RGS7BP: variants seen among roughly 807,000 people sequenced by gnomAD.
RGS7BP encodes the protein regulator of G protein signaling 7 binding protein.
A neutral mutation model predicts 31.3 loss-of-function variants in RGS7BP; 9 were observed. The ratio of observed to expected loss-of-function variants is 0.29; its 90% CI spans 0.17 to 0.50. RGS7BP has a LOEUF of 0.50. Among genes scored for constraint, RGS7BP ranks in the 20% least tolerant of loss-of-function variants. The pLI, the probability that RGS7BP is intolerant of heterozygous loss-of-function variation, is 0.98. For synonymous variants in RGS7BP, 115 were observed against 120.1 expected (o/e 0.96, Z 0.28); for missense variants, 274 against 322.0 (o/e 0.85, Z 1.14).
At chr5:64,552,079 T>C (rs1468874504) in intron 2 of RGS7BP, among the ~76,000 whole-genome samples, 2 of 152,186 alleles carry the variant, frequency 1.3e-5, no homozygotes, top group Non-Finnish European at 2.9e-5. Context: ...TCTTCACTTT[T>C]TATCTGCATA....
At chr5:64,583,982 A>G (rs1742672848) in intron 3 of RGS7BP, among the ~76,000 whole-genome samples, 1 of 152,326 alleles carries the variant, frequency 6.6e-6, no homozygotes, top group Non-Finnish European at 1.5e-5. Flanking sequence ...ATCCTCAAGT[A>G]TATTTTCCCC....
chr5:64,570,453 T>G (rs1233911839), intron 2 of RGS7BP, among the ~76,000 whole-genome samples: 1 of 152,178 alleles, frequency 6.6e-6, no homozygotes, highest in East Asian at 1.9e-4. Flanking sequence ...CAAGATTCAA[T>G]TTTCCTTTCA....
intron 5 of RGS7BP, among the ~76,000 whole-genome samples, chr5:64,599,178 C>G (rs1289332273): frequency 1.3e-5 from 2 of 152,210 alleles, no homozygotes; most frequent in African/African-American, 4.8e-5. Context: ...TCTGCACCTA[C>G]CTTTGCAGCC....
intron 3 of RGS7BP, among the ~76,000 whole-genome samples, chr5:64,593,477 A>G (rs1742974321): frequency 6.6e-6 from 1 of 152,220 alleles, no homozygotes; most frequent in South Asian, 2.1e-4. Context: ...TATAGCCACT[A>G]CCTCATGAAT....
intron 2 of RGS7BP, among the ~76,000 whole-genome samples, chr5:64,525,534 G>A (rs900916094): frequency 2.0e-5 from 3 of 152,224 alleles, no homozygotes; most frequent in African/African-American, 7.2e-5. Flanking sequence ...TTTGCAAGAT[G>A]TAATGTGCTT....
chr5:64,563,328 C>A (rs1241327533), intron 2 of RGS7BP, among the ~76,000 whole-genome samples: 1 of 152,006 alleles, frequency 6.6e-6, no homozygotes, highest in Admixed American at 6.6e-5. Flanking sequence ...GTATGTCCCC[C>A]AAATTCATAT....
chr5:64,579,792 C>T (rs1177316051), intron 3 of RGS7BP, among the ~76,000 whole-genome samples: 1 of 152,018 alleles, frequency 6.6e-6, no homozygotes, highest in African/African-American at 2.4e-5. Flanking sequence ...TTTAGTTACA[C>T]ATTTGTATGA....
chr5:64,564,483 T>G (rs3797050), intron 2 of RGS7BP, among the ~76,000 whole-genome samples: 59,523 of 152,084 alleles, frequency 0.39, 12,073 homozygotes, highest in Middle Eastern at 0.48. Context: ...TTGAAGCTTT[T>G]TAATAATTAT....
In RGS7BP at chr5:64,506,869, T is replaced by C. The variant is rs1416400905; in HGVS notation, c.165+80T>C. 1 of 1,364,544 alleles carries C rather than the reference T, an allele frequency of 7.3e-7. No homozygotes were observed. The highest frequency in any genetic ancestry group is 1.5e-5 in the African/African-American group (1 of 68,286). The allele number at this position is 1,364,544 out of a possible 1,614,324, so 84.5% of individuals were successfully genotyped here. ...GAGTCATGTATGTTAATCATTTGCC[T>C]GAGTGCCAGCCACTCCCCCACCCTC... On this transcript the variant is annotated intron_variant, in intron 1 of 5. Coordinates refer to ENST00000334025, the MANE Select transcript of RGS7BP (RefSeq NM_001029875.3). The surrounding 1 kb of genome is among the most constrained non-coding windows in gnomAD (Gnocchi z 4.6).
At chr5:64,524,491 T>C (rs1434901808) in intron 2 of RGS7BP, among the ~76,000 whole-genome samples, 1 of 152,188 alleles carries the variant, frequency 6.6e-6, no homozygotes, top group Admixed American at 6.5e-5. Context: ...CAGAGTTTCA[T>C]TAAAACTCTA....
intron 2 of RGS7BP, among the ~76,000 whole-genome samples, chr5:64,563,060 C>G (rs1309646078): frequency 6.6e-6 from 1 of 151,954 alleles, no homozygotes; most frequent in Admixed American, 6.6e-5. Flanking sequence ...CTCCCTGGAT[C>G]CTGATGAAAA....
intron 3 of RGS7BP, among the ~76,000 whole-genome samples, chr5:64,584,172 C>A (rs1169292519): frequency 6.6e-6 from 1 of 152,174 alleles, no homozygotes; most frequent in Non-Finnish European, 1.5e-5. Context: ...GCACAGTTAG[C>A]TGAATTCTAT....
chr5:64,515,511 A>G (rs1748948599), intron 2 of RGS7BP, among the ~76,000 whole-genome samples: 1 of 152,180 alleles, frequency 6.6e-6, no homozygotes, highest in Admixed American at 6.5e-5. Context: ...ATCAGTTACC[A>G]TTGAGATCAC....
intron 3 of RGS7BP, among the ~76,000 whole-genome samples, chr5:64,580,943 G>A (rs1742581562): frequency 6.6e-6 from 1 of 152,152 alleles, no homozygotes; most frequent in African/African-American, 2.4e-5. Context: ...GCCAGGTGTG[G>A]TGGATCATAC....
At chr5:64,569,304 C>T (rs769068503) in intron 2 of RGS7BP, among the ~76,000 whole-genome samples, 1 of 152,010 alleles carries the variant, frequency 6.6e-6, no homozygotes, top group Non-Finnish European at 1.5e-5. Context: ...AAAAAAACAA[C>T]AACACACGTT....
intron 3 of RGS7BP, among the ~76,000 whole-genome samples, chr5:64,578,531 A>G (rs775961194): frequency 3.3e-5 from 5 of 152,214 alleles, no homozygotes; most frequent in African/African-American, 4.8e-5. Context: ...ATTGAGGATT[A>G]AGAACTGCTC....
At chr5:64,595,967 TTGGCACCGTTTGA>T (rs2111961543) in intron 4 of RGS7BP, among the ~76,000 whole-genome samples, 1 of 152,286 alleles carries the variant, frequency 6.6e-6, no homozygotes, top group South Asian at 2.1e-4. Flanking sequence ...ATAAAGCTGT[TTGGCACCGTTTGA>T]TGGCACTATA....
intron 2 of RGS7BP, among the ~76,000 whole-genome samples, chr5:64,548,399 C>T (rs1425528295): frequency 6.6e-6 from 1 of 152,124 alleles, no homozygotes; most frequent in Admixed American, 6.5e-5. Context: ...ATGTTTGACA[C>T]GTTTGCCTAT....
chr5:64,508,124 C>CAA (rs1748744555), intron 2 of RGS7BP, among the ~76,000 whole-genome samples: 1 of 152,104 alleles, frequency 6.6e-6, no homozygotes, highest in South Asian at 2.1e-4. Context: ...ACTTAATTTT[C>CAA]AATACTCTGG....
Sources: allele counts gnomAD v4.1 joint callset (sites outside exome capture counted in the v4.1 genomes callset), GRCh38; gene constraint gnomAD v4.1.1; non-coding constraint Gnocchi (gnomAD v3.1); transcripts MANE v1.5; gene names NCBI Gene and HGNC (gene_info 2026-07-23, HGNC 2026-07-21).